CD8A: variants seen among roughly 807,000 people sequenced by gnomAD.
The protein encoded by CD8A is T-cell surface glycoprotein CD8 alpha chain.
CD8A carries 25 observed loss-of-function variants against 24.2 expected under a neutral mutation model. The observed-to-expected ratio is 1.03, with a 90% CI of 0.75 to 1.44. CD8A has a LOEUF of 1.44. CD8A is among the 40% of genes most tolerant of loss of function. The pLI, the probability that CD8A is intolerant of heterozygous loss-of-function variation, is 0.00. For synonymous variants in CD8A, 165 were observed against 149.9 expected (o/e 1.10, Z -0.74); for missense variants, 360 against 319.7 (o/e 1.13, Z -0.96).
chr2:86,791,209 G>C (rs1673295410), upstream of CD8A: 8 of 446,818 alleles, frequency 1.8e-5, no homozygotes, highest in South Asian at 1.6e-4. Context: ...GTGAGGGCGA[G>C]AGTAGGCAGC....
In CD8A at chr2:86,790,361, A is replaced by T. The variant is rs904075671; in HGVS notation, c.370T>A (p.Tyr124Asn). Residue 124 changes from tyrosine (Y) to asparagine (N), a missense_variant, in exon 2 of 6, where the codon TAC becomes AAC. Transcript: ENST00000283635. ...FCSALSNSIM[Y>N]FSHFVPVFLP... ...AAGACCGGCACGAAGTGGCTGAAGTACATGATGGAGTTGCTCAGGGCCGAG... is the reference window on the plus strand; with the variant it reads ...AAGACCGGCACGAAGTGGCTGAAGTTCATGATGGAGTTGCTCAGGGCCGAG... 27 of 1,613,920 alleles carry T rather than the reference A, an allele frequency of 1.7e-5. No homozygotes were observed. The highest frequency in any genetic ancestry group is 3.3e-5 in the Admixed American group (2 of 60,006).
At chr2:86,800,017 T>A (rs1005597974) in intron 3 of CD8A, among the ~76,000 whole-genome samples, 3 of 152,094 alleles carry the variant, frequency 2.0e-5, no homozygotes, top group African/African-American at 7.2e-5. Flanking sequence ...CCAATGAGGT[T>A]AATGGCAGTA....
At chr2:86,800,455 AAAAG>A (rs1222071772) in intron 3 of CD8A, among the ~76,000 whole-genome samples, 3 of 151,900 alleles carry the variant, frequency 2.0e-5, no homozygotes, top group African/African-American at 2.4e-5. Flanking sequence ...GAAAAAAAAA[AAAAG>A]AAAGAAAAAA....
chr2:86,803,421 G>A (rs2104462785), intron 2 of CD8A, among the ~76,000 whole-genome samples: 1 of 152,216 alleles, frequency 6.6e-6, no homozygotes, highest in East Asian at 1.9e-4. Context: ...TATATACAAG[G>A]GAATTCAGCC....
chr2:86,796,280 T>C (rs1277155596), intron 3 of CD8A, among the ~76,000 whole-genome samples: 1 of 152,170 alleles, frequency 6.6e-6, no homozygotes, highest in Admixed American at 6.5e-5. Flanking sequence ...ACAAAGGGAA[T>C]GTGGAGAAGA....
chr2:86,801,999 C>A (rs1461335445), intron 2 of CD8A, among the ~76,000 whole-genome samples: 2 of 152,032 alleles, frequency 1.3e-5, no homozygotes, highest in Non-Finnish European at 2.9e-5. Context: ...GAATTCCATA[C>A]CCTTCACCCA....
intron 5 of CD8A, among the ~76,000 whole-genome samples, chr2:86,786,327 A>C (rs1367742336): frequency 6.6e-6 from 1 of 152,212 alleles, no homozygotes; most frequent in Admixed American, 6.5e-5. Flanking sequence ...GAGACTGATA[A>C]CCAAAGTCAT....
In CD8A at chr2:86,797,326, T is replaced by G. The variant is rs150692016; in HGVS notation, c.-271+4185A>C. Among the ~76,000 whole-genome samples, 22 of 152,248 alleles carry G rather than the reference T, an allele frequency of 1.4e-4. 1 individual carries two copies. In the East Asian group the frequency reaches 4.1e-3, roughly 28 times the overall value. ...ATGGAACCTTCAGGGAAGGCTCGTA[T>G]TGAAGAGCAGGAAATAAAACATTGG... On this transcript the variant is annotated intron_variant, in intron 3 of 8. Coordinates refer to the CD8A transcript ENST00000409511.
intron 2 of CD8A, among the ~76,000 whole-genome samples, 189 bp downstream of exon 2, chr2:86,790,139 T>C (rs1673214026): frequency 6.6e-6 from 1 of 152,138 alleles, no homozygotes; most frequent in African/African-American, 2.4e-5. Flanking sequence ...CGGCCGGACG[T>C]AAAAAGCCAT....
chr2:86,790,241 G>A (rs189493486), intron 2 of CD8A, 87 bp downstream of exon 2: 2 of 968,920 alleles, frequency 2.1e-6, no homozygotes, highest in Admixed American at 1.7e-5. Context: ...GCGCTAAGAG[G>A]CTTGAAAGCA....
intron 2 of CD8A, among the ~76,000 whole-genome samples, chr2:86,806,048 G>A (rs370480889): frequency 6.6e-6 from 1 of 152,234 alleles, no homozygotes; most frequent in African/African-American, 2.4e-5. Flanking sequence ...TACAAAGCCA[G>A]TGGAAACTTT....
At chr2:86,806,919 T>TA (rs1171080085) in intron 2 of CD8A, among the ~76,000 whole-genome samples, 1 of 152,060 alleles carries the variant, frequency 6.6e-6, no homozygotes, top group Non-Finnish European at 1.5e-5. Flanking sequence ...CTATTTTGGG[T>TA]AAATCGTTTC....
intron 2 of CD8A, 86 bp downstream of exon 2, chr2:86,790,242 C>A: frequency 2.0e-6 from 2 of 994,486 alleles, no homozygotes; most frequent in South Asian, 1.3e-5. Context: ...CGCTAAGAGG[C>A]TTGAAAGCAG....
chr2:86,794,508 A>C (rs984540013), upstream of CD8A, among the ~76,000 whole-genome samples: 1 of 152,146 alleles, frequency 6.6e-6, no homozygotes, highest in African/African-American at 2.4e-5. Context: ...GAAACTCTAG[A>C]GTTATCAGGG....
chr2:86,788,531 G>C lies in CD8A; in HGVS notation c.655C>G (p.Arg219Gly), dbSNP rs770405273. 7.4e-6 allele frequency: 12 copies of C among 1,612,720 alleles called. No individual in the cohort carries two copies. The highest frequency in any genetic ancestry group is 2.7e-5 in the African/African-American group (2 of 74,920). ...AGGCTGAGTTCAAAAGAGACTCACC[G>C]GGGACATTTGCAAACACGTCTTCGG... ...RNRRRVCKCP[R>G]PVVKSGDKPS... The change falls in exon 5 of 6, where the codon CGG becomes GGG. Residue 219 changes from arginine to glycine, a missense_variant and splice_region_variant. Transcript: ENST00000283635.
chr2:86,795,613 G>A (rs114758893), upstream of CD8A, among the ~76,000 whole-genome samples: 8,876 of 152,238 alleles, frequency 0.058, 327 homozygotes, highest in Non-Finnish European at 0.086. Flanking sequence ...TTGAGGGTCT[G>A]TTCTTAGTGT....
upstream of CD8A, among the ~76,000 whole-genome samples, chr2:86,792,590 G>C (rs1673348055): frequency 6.6e-6 from 1 of 151,926 alleles, no homozygotes; most frequent in Non-Finnish European, 1.5e-5. Context: ...TACCTCCCAG[G>C]CTCAAGTGAT....
chr2:86,785,405 C>T lies in CD8A; in HGVS notation c.*515G>A, dbSNP rs1009448994. ...TATCAAGAAGTACTTGTTCCCTTGC[C>T]GTTGGAGACTCAAGCACCTCACCCT... On this transcript the variant is annotated 3_prime_UTR_variant, in exon 6 of 6. Transcript: ENST00000283635. 2.6e-5 allele frequency: 12 copies of T among 454,422 alleles called. No individual in the cohort carries two copies. Among genetic ancestry groups the T allele is most frequent in the Admixed American group, 1.6e-4 (7 of 42,570 alleles). 28.1% of individuals were successfully genotyped at this position (454,422 alleles called of 1,614,324 possible). A position where few individuals can be genotyped will look rare whatever the true frequency, so the allele number is the denominator to read the frequency against.
chr2:86,793,744 C>T (rs1399168574), upstream of CD8A, among the ~76,000 whole-genome samples: 2 of 152,162 alleles, frequency 1.3e-5, no homozygotes, highest in Non-Finnish European at 2.9e-5. Flanking sequence ...AGAATCAGGC[C>T]CCTGAGTGTG....
Sources: allele counts gnomAD v4.1 joint callset (sites outside exome capture counted in the v4.1 genomes callset), GRCh38; gene constraint gnomAD v4.1.1; transcripts MANE v1.5; gene names NCBI Gene and HGNC (gene_info 2026-07-23, HGNC 2026-07-21).